GRM5: variants seen among roughly 807,000 people sequenced by gnomAD.
The protein encoded by GRM5 is glutamate metabotropic receptor 5.
GRM5 carries 19 observed loss-of-function variants against 83.1 expected under a neutral mutation model. The observed-to-expected ratio is 0.23, with a 90% confidence interval of 0.16 to 0.34. The LOEUF is 0.34. GRM5 is among the 10% of genes least tolerant of loss of function. The pLI is 1.00. For missense variants in GRM5, 1,160 were observed against 1,588.3 expected (o/e 0.73, Z 4.58); for synonymous variants, 675 against 633.6 (o/e 1.07, Z -0.98).
chr11:89,054,375 C>T (rs571729792), intron 1 of GRM5, among the ~76,000 whole-genome samples: 57 of 152,184 alleles, frequency 3.7e-4, no homozygotes, highest in South Asian at 1.0e-3. Context: ...GAGAATGCGG[C>T]GGCAAGGATG....
In GRM5 at chr11:89,054,004, T is replaced by C. The variant is rs142450832; in HGVS notation, c.-200-5932A>G. 5.1e-4 allele frequency among the ~76,000 whole-genome samples: 77 copies of C among 152,328 alleles called. 1 individual carries two copies. Among genetic ancestry groups the C allele is most frequent in the African/African-American group, 1.9e-3 (77 of 41,574 alleles). On this transcript the variant is annotated intron_variant, in intron 1 of 9. Coordinates refer to ENST00000305447, the MANE Select transcript of GRM5 (RefSeq NM_001143831.3). ...AGGTAATGTGGTGATGTTGAACCTG[T>C]TTGGACTTTAAAAGACTTTGGCCTT...
At position 88,928,343 on chromosome 11, in the gene GRM5, T is replaced by C. The variant is rs573194583; in HGVS notation, c.662-78188A>G. ...GTGGGCCCCAGTTACTTCACTGTGGTTCCACACTTGTGGGTTGCGATAACT... is the reference window on the plus strand; with the variant it reads ...GTGGGCCCCAGTTACTTCACTGTGGCTCCACACTTGTGGGTTGCGATAACT... On this transcript the variant is annotated intron_variant, in intron 2 of 9. Transcript: ENST00000305447. 3.4e-4 allele frequency among the ~76,000 whole-genome samples: 52 copies of C among 152,196 alleles called. 1 individual carries two copies. Among genetic ancestry groups the C allele is most frequent in the Non-Finnish European group, 1.0e-4 (7 of 67,998 alleles).
At chr11:89,012,419 G>A (rs1204412003) in intron 2 of GRM5, among the ~76,000 whole-genome samples, 4 of 152,132 alleles carry the variant, frequency 2.6e-5, no homozygotes, top group East Asian at 1.9e-4. Context: ...TCAAGCTCCC[G>A]TGAGCAGAGT....
intron 2 of GRM5, among the ~76,000 whole-genome samples, chr11:88,866,633 A>T (rs563986634): frequency 6.6e-6 from 1 of 152,150 alleles, no homozygotes; most frequent in African/African-American, 2.4e-5. Context: ...TGAAGCATTG[A>T]CAATATGCAA....
intron 3 of GRM5, among the ~76,000 whole-genome samples, chr11:88,664,934 T>C (rs2135323007): frequency 6.6e-6 from 1 of 152,294 alleles, no homozygotes; most frequent in African/African-American, 2.4e-5. Flanking sequence ...AAAGACTATA[T>C]GTATGAAACT....
intron 3 of GRM5, among the ~76,000 whole-genome samples, chr11:88,674,104 C>A (rs1218590824): frequency 1.3e-5 from 2 of 151,748 alleles, no homozygotes; most frequent in African/African-American, 4.8e-5. Flanking sequence ...AAGAATCATT[C>A]AGGGTTGTAT....
intron 8 of GRM5, among the ~76,000 whole-genome samples, chr11:88,548,804 T>C (rs1371493933): frequency 1.3e-5 from 2 of 152,202 alleles, no homozygotes; most frequent in Non-Finnish European, 2.9e-5. Flanking sequence ...TATTGAGTGT[T>C]GATTCACATT....
At chr11:88,701,196 C>A (rs948300927) in intron 3 of GRM5, among the ~76,000 whole-genome samples, 2 of 152,136 alleles carry the variant, frequency 1.3e-5, no homozygotes, top group Non-Finnish European at 2.9e-5. Flanking sequence ...GGAAAGAAAC[C>A]ACCATCTTGT....
chr11:88,687,709 C>T (rs1019180487), intron 3 of GRM5, among the ~76,000 whole-genome samples: 2 of 144,276 alleles, frequency 1.4e-5, no homozygotes, highest in East Asian at 2.0e-4. Flanking sequence ...ACTATATATA[C>T]CCCCGTATGG....
chr11:89,025,209 A>C (rs1591058430), intron 2 of GRM5, among the ~76,000 whole-genome samples: 1 of 152,336 alleles, frequency 6.6e-6, no homozygotes, highest in Admixed American at 6.5e-5. Context: ...GTCTCTAACT[A>C]CCAGGAAGCA....
chr11:88,735,539 G>C (rs1431088783), intron 3 of GRM5, among the ~76,000 whole-genome samples: 2 of 151,990 alleles, frequency 1.3e-5, no homozygotes, highest in East Asian at 3.9e-4. Flanking sequence ...CTGGAAGTAG[G>C]TTGGGGCTTC....
At chr11:88,675,261 G>C (rs191347751) in intron 3 of GRM5, among the ~76,000 whole-genome samples, 1 of 152,092 alleles carries the variant, frequency 6.6e-6, no homozygotes, top group Non-Finnish European at 1.5e-5. Flanking sequence ...TCTTTTTCAA[G>C]ACACTATTTC....
intron 2 of GRM5, among the ~76,000 whole-genome samples, chr11:88,884,892 C>A (rs1945016567): frequency 1.3e-5 from 2 of 152,130 alleles, no homozygotes; most frequent in Non-Finnish European, 2.9e-5. Context: ...GTTCATTAAA[C>A]CTTTTTCCTT....
At chr11:88,871,473 T>G (rs1294764115) in intron 2 of GRM5, among the ~76,000 whole-genome samples, 2 of 151,490 alleles carry the variant, frequency 1.3e-5, no homozygotes, top group East Asian at 1.9e-4. Context: ...TAAAGATAAC[T>G]AGGACTGAAA....
chr11:88,846,114 C>A (rs576341780), intron 3 of GRM5, among the ~76,000 whole-genome samples: 2 of 152,174 alleles, frequency 1.3e-5, no homozygotes, highest in South Asian at 4.2e-4. Flanking sequence ...TAATAATCAT[C>A]GTAGTAAAGA....
intron 8 of GRM5, among the ~76,000 whole-genome samples, chr11:88,542,482 T>C (rs1408150112): frequency 6.6e-6 from 1 of 152,210 alleles, no homozygotes; most frequent in Non-Finnish European, 1.5e-5. Flanking sequence ...AAACATTGTC[T>C]CTTTACAACC....
At chr11:88,575,587 C>A (rs1394924268) in intron 7 of GRM5, among the ~76,000 whole-genome samples, 1 of 152,294 alleles carries the variant, frequency 6.6e-6, no homozygotes, top group Middle Eastern at 3.4e-3. Flanking sequence ...TGATATAAAT[C>A]CATGCTTCCT....
intron 8 of GRM5, among the ~76,000 whole-genome samples, chr11:88,539,700 TTACCTCCATCTGGACC>T (rs373063768): frequency 0.11 from 16,820 of 152,150 alleles, 1,210 homozygotes; most frequent in Non-Finnish European, 0.16. Context: ...TTTGATTTTC[TTACCTCCATCTGGACC>T]TACCTCCATC....
intron 4 of GRM5, among the ~76,000 whole-genome samples, chr11:88,608,367 C>G (rs895286154): frequency 3.3e-5 from 5 of 152,034 alleles, no homozygotes; most frequent in African/African-American, 1.2e-4. Context: ...GCATCTCTAC[C>G]TCCCCCCACC....
Sources: gnomAD v4.1 joint callset for allele counts (sites outside exome capture counted in the v4.1 genomes callset) on GRCh38, gnomAD v4.1.1 for gene constraint, MANE v1.5 for transcripts, NCBI Gene and HGNC (gene_info 2026-07-23, HGNC 2026-07-21) for gene names.